SNX8: variants seen among roughly 807,000 people sequenced by gnomAD.
SNX8 encodes the protein sorting nexin-8.
SNX8 carries 25 observed loss-of-function variants against 51.6 expected under a neutral mutation model. That is an observed-to-expected ratio of 0.48 (90% CI 0.35 to 0.68). The LOEUF (loss-of-function observed/expected upper bound fraction) is 0.68, where lower values mean the gene tolerates loss of function less well. Ranked by LOEUF, SNX8 falls within the 30% of genes least tolerant of loss-of-function variation. SNX8 has a pLI of 0.00. For synonymous variants in SNX8, 324 were observed against 277.0 expected (o/e 1.17, Z -1.68); for missense variants, 695 against 624.0 (o/e 1.11, Z -1.21).
chr7:2,257,048 G>A, intron 9 of SNX8, 25 bp from the exon 10 acceptor site: 2 of 1,580,798 alleles, frequency 1.3e-6, no homozygotes, highest in Non-Finnish European at 1.7e-6. Flanking sequence ...GCCGCCTTTC[G>A]CACCCGGCCC....
At chr7:2,282,421 TG>T (rs1795927848) in intron 1 of SNX8, among the ~76,000 whole-genome samples, 1 of 152,158 alleles carries the variant, frequency 6.6e-6, no homozygotes, top group African/African-American at 2.4e-5. Context: ...GCCGGCCCAC[TG>T]TGACCCCTCT....
At chr7:2,272,415 C>G (rs1423454885) in intron 3 of SNX8, among the ~76,000 whole-genome samples, 1 of 151,522 alleles carries the variant, frequency 6.6e-6, no homozygotes, top group Non-Finnish European at 1.5e-5. Context: ...GCTCCTGTTG[C>G]CCAGGCTGGA....
intron 1 of SNX8, among the ~76,000 whole-genome samples, chr7:2,301,613 T>C (rs1004067762): frequency 2.0e-5 from 3 of 152,132 alleles, no homozygotes; most frequent in African/African-American, 7.2e-5. Flanking sequence ...CAGAAATTTC[T>C]AGAATGGGGG....
chr7:2,303,738 A>C (rs1211274166), intron 1 of SNX8, among the ~76,000 whole-genome samples: 2 of 152,096 alleles, frequency 1.3e-5, no homozygotes, highest in African/African-American at 2.4e-5. Context: ...TGCTTTGTTA[A>C]ACAGATCCTG....
At chr7:2,271,344 T>C (rs1795640137) in intron 4 of SNX8, among the ~76,000 whole-genome samples, 1 of 152,228 alleles carries the variant, frequency 6.6e-6, no homozygotes, top group Admixed American at 6.5e-5. Flanking sequence ...ACCTGCGAAC[T>C]GTAGCTTCTT....
chr7:2,346,737 CAAAAAAAA>C (rs143462126), intron 1 of SNX8, among the ~76,000 whole-genome samples: 3 of 45,336 alleles, frequency 6.6e-5, no homozygotes, highest in African/African-American at 1.7e-4. Flanking sequence ...GACTCCGTCT[CAAAAAAAA>C]AAAAAAAAAA....
At chr7:2,260,237 A>G (rs1040451103) in intron 7 of SNX8, among the ~76,000 whole-genome samples, 1 of 152,126 alleles carries the variant, frequency 6.6e-6, no homozygotes, top group African/African-American at 2.4e-5. Flanking sequence ...AGCTGAGATT[A>G]CAGGTGCCCG....
At chr7:2,280,937 C>A (rs1257176073) in intron 1 of SNX8, among the ~76,000 whole-genome samples, 1 of 151,980 alleles carries the variant, frequency 6.6e-6, no homozygotes, top group South Asian at 2.1e-4. Flanking sequence ...GGATGACAGG[C>A]GTGCACCAAT....
intron 1 of SNX8, among the ~76,000 whole-genome samples, chr7:2,336,656 C>T (rs987059494): frequency 2.0e-5 from 3 of 151,640 alleles, no homozygotes; most frequent in African/African-American, 4.9e-5. Context: ...TGCAGTGAGC[C>T]GAGATTGCGT....
At chr7:2,354,162 ACAGG>A (rs1237667252) in intron 1 of SNX8, 1 of 152,340 alleles carries the variant, frequency 6.6e-6, no homozygotes, top group East Asian at 1.9e-4. Context: ...ATGGGGGGAA[ACAGG>A]CAGTGACGGC....
chr7:2,298,371 G>GT (rs1796319086), intron 1 of SNX8, among the ~76,000 whole-genome samples: 1 of 151,942 alleles, frequency 6.6e-6, no homozygotes, highest in Admixed American at 6.6e-5. Context: ...GGTTTGGGTT[G>GT]TTTTGTTTTG....
intron 1 of SNX8, among the ~76,000 whole-genome samples, chr7:2,309,489 T>C (rs1013448797): frequency 6.6e-6 from 1 of 151,808 alleles, no homozygotes; most frequent in Non-Finnish European, 1.5e-5. Flanking sequence ...CCCAGTGCTT[T>C]GGGAGGCCAA....
intron 1 of SNX8, among the ~76,000 whole-genome samples, chr7:2,280,765 A>C (rs567609825): frequency 8.6e-5 from 13 of 151,816 alleles, no homozygotes; most frequent in African/African-American, 3.1e-4. Context: ...TATGCTTTCA[A>C]ATATCAATTT....
intron 5 of SNX8, 130 bp from the exon 6 acceptor site, chr7:2,264,588 A>C: frequency 2.7e-6 from 2 of 744,466 alleles, no homozygotes; most frequent in Non-Finnish European, 4.3e-6. Flanking sequence ...CGGGAGCCCC[A>C]CTCCTCCAGG....
In SNX8 at chr7:2,304,253, C is replaced by T. The variant is rs113622201; in HGVS notation, c.94+10075G>A. Among the ~76,000 whole-genome samples, 304 of 151,906 alleles carry T rather than the reference C, an allele frequency of 2.0e-3. 1 individual carries two copies. The highest frequency in any genetic ancestry group is 6.8e-3 in the African/African-American group (283 of 41,480). ...AAAGAAGGACCGACTACACATAAAT[C>T]CATCTCCCCGGCCGGGCACGGCAGC... On this transcript the variant is annotated intron_variant, in intron 1 of 10. Coordinates refer to ENST00000222990, the MANE Select transcript of SNX8 (RefSeq NM_013321.4).
chr7:2,267,991 C>T (rs1795516750), intron 5 of SNX8, among the ~76,000 whole-genome samples: 1 of 150,182 alleles, frequency 6.7e-6, no homozygotes. Flanking sequence ...AGGAGCGCCT[C>T]TGCCCGGCCG....
At chr7:2,343,238 T>C (rs1778966066) in intron 1 of SNX8, among the ~76,000 whole-genome samples, 1 of 151,784 alleles carries the variant, frequency 6.6e-6, no homozygotes, top group Non-Finnish European at 1.5e-5. Context: ...GCCTTGATAA[T>C]TTTAAATATT....
intron 1 of SNX8, among the ~76,000 whole-genome samples, chr7:2,291,995 G>A (rs1796161213): frequency 6.6e-6 from 1 of 152,232 alleles, no homozygotes; most frequent in Non-Finnish European, 1.5e-5. Context: ...TGGGCGCACT[G>A]GCTCATGCCT....
At chr7:2,297,938 A>G (rs151200075) in intron 1 of SNX8, among the ~76,000 whole-genome samples, 2 of 152,072 alleles carry the variant, frequency 1.3e-5, no homozygotes, top group African/African-American at 4.8e-5. Context: ...TACCATGGAC[A>G]TTATTTTGGT....
Sources: allele counts gnomAD v4.1 joint callset (sites outside exome capture counted in the v4.1 genomes callset), GRCh38; gene constraint gnomAD v4.1.1; transcripts MANE v1.5; gene names NCBI Gene and HGNC (gene_info 2026-07-23, HGNC 2026-07-21).